The following DPP6 variants were observed in gnomAD, a reference collection of about 807,000 sequenced individuals.
DPP6 encodes dipeptidyl peptidase like 6.
In DPP6, 69 loss-of-function variants were observed where a neutral mutation model predicts 122.6. The ratio of observed to expected loss-of-function variants is 0.56; its 90% CI spans 0.46 to 0.69. DPP6 has a LOEUF of 0.69. DPP6 is among the 30% of genes least tolerant of loss of function. DPP6 has a pLI of 0.00. For synonymous variants in DPP6, 418 were observed against 433.1 expected (o/e 0.97, Z 0.43); for missense variants, 928 against 1,116.9 (o/e 0.83, Z 2.41).
chr7:153,986,478 A>G (rs182408517), intron 1 of DPP6, among the ~76,000 whole-genome samples: 3 of 152,288 alleles, frequency 2.0e-5, no homozygotes, highest in Admixed American at 1.3e-4. Flanking sequence ...AATGCCCTTA[A>G]GAAAAGACTA....
rs148485305 is a variant in DPP6, at chr7:154,744,501, G to A, written c.883+16614G>A. The stretch of plus-strand genomic sequence containing the variant: ...GATTTGTGGGAATTTGCAGATCTCT[G>A]ATGATAATGAGGGGATTCGCAGTGT... On this transcript the variant is annotated intron_variant, in intron 8 of 25. Transcript: ENST00000377770. Among the ~76,000 whole-genome samples the A allele has an allele frequency of 2.0e-5, 3 of 152,350 alleles. No individual in the cohort carries two copies. In the East Asian group the frequency reaches 5.8e-4, roughly 29 times the overall value.
At chr7:154,572,510 C>CTTTTTTTTTTT (rs77816407) in intron 5 of DPP6, among the ~76,000 whole-genome samples, 3 of 86,140 alleles carry the variant, frequency 3.5e-5, no homozygotes, top group Non-Finnish European at 2.2e-5. Context: ...TTTTTCTTTT[C>CTTTTTTTTTTT]TTTTTTTTTT....
intron 1 of DPP6, among the ~76,000 whole-genome samples, chr7:154,273,294 G>A (rs1220188354): frequency 6.6e-6 from 1 of 152,134 alleles, no homozygotes; most frequent in Non-Finnish European, 1.5e-5. Context: ...TCTGGCATGA[G>A]AGACAGAAAA....
chr7:154,412,681 TC>T (rs1009834500), intron 1 of DPP6, among the ~76,000 whole-genome samples: 80 of 151,626 alleles, frequency 5.3e-4, no homozygotes, highest in Middle Eastern at 3.4e-3. Context: ...TCTTTTTTTT[TC>T]AACTTTAGAA....
At chr7:154,639,820 C>T (rs1039179526) in intron 6 of DPP6, among the ~76,000 whole-genome samples, 1 of 152,168 alleles carries the variant, frequency 6.6e-6, no homozygotes, top group African/African-American at 2.4e-5. Context: ...CTTTCATATA[C>T]CTTTATCCCT....
intron 7 of DPP6, among the ~76,000 whole-genome samples, chr7:154,707,386 A>G (rs1473434852): frequency 1.3e-5 from 2 of 152,288 alleles, no homozygotes; most frequent in African/African-American, 4.8e-5. Context: ...TTTTTGCCAT[A>G]TCCTAGAGCT....
At chr7:154,652,496 G>A (rs1321090622) in intron 6 of DPP6, among the ~76,000 whole-genome samples, 5 of 151,286 alleles carry the variant, frequency 3.3e-5, no homozygotes, top group Admixed American at 6.6e-5. Context: ...GATAATAGAT[G>A]CAGCTCTCTG....
At chr7:154,015,865 G>A (rs1265710722) in intron 1 of DPP6, among the ~76,000 whole-genome samples, 11 of 152,010 alleles carry the variant, frequency 7.2e-5, no homozygotes, top group African/African-American at 2.2e-4. Context: ...GGATCCTGTT[G>A]AAACAAGTCA....
intron 1 of DPP6, among the ~76,000 whole-genome samples, chr7:154,006,620 G>A (rs1484057040): frequency 6.6e-6 from 1 of 152,152 alleles, no homozygotes; most frequent in East Asian, 1.9e-4. Flanking sequence ...ACGGACAGCT[G>A]GTGGGTCTCT....
intron 1 of DPP6, among the ~76,000 whole-genome samples, chr7:153,889,464 T>G (rs1361542044): frequency 6.6e-6 from 1 of 152,162 alleles, no homozygotes; most frequent in Non-Finnish European, 1.5e-5. Context: ...TGAGGTTAAT[T>G]ATACTGATAA....
intron 1 of DPP6, among the ~76,000 whole-genome samples, chr7:153,918,978 CAAAAAAAA>C (rs386411718): frequency 3.4e-5 from 3 of 89,346 alleles, no homozygotes; most frequent in African/African-American, 1.4e-4. Context: ...GACTCTGTCT[CAAAAAAAA>C]AAAAAAAAAA....
At position 154,880,927 on chromosome 7, in the gene DPP6, G is replaced by T. The variant is rs371753719; in HGVS notation, c.2118G>T (p.Val706=). 1.9e-6 allele frequency: 3 copies of T among 1,613,930 alleles called. No individual in the cohort carries two copies. Among genetic ancestry groups the T allele is most frequent in the African/African-American group, 2.7e-5 (2 of 75,016 alleles). ...LKEQYIDRTR[V]AVFGKDYGGY... Reference sequence around the variant, plus strand: ...AGCAGTACATTGACAGGACGCGCGTGGCCGTGTTTGGGAAGGTGAGTCTGC... The same window carrying T: ...AGCAGTACATTGACAGGACGCGCGTTGCCGTGTTTGGGAAGGTGAGTCTGC... Residue 706 remains valine (V), a synonymous_variant, in exon 21 of 26, where the codon GTG becomes GTT. Coordinates refer to ENST00000377770, the MANE Select transcript of DPP6 (RefSeq NM_130797.4).
chr7:154,098,149 C>A (rs71532617), intron 1 of DPP6, among the ~76,000 whole-genome samples: 12,533 of 151,986 alleles, frequency 0.082, 468 homozygotes, highest in Middle Eastern at 0.14. Context: ...GTAATTTAAT[C>A]GTGGAGATGG....
At chr7:153,767,749 C>T in the DPP6 span, among the ~76,000 whole-genome samples, 1 of 152,086 alleles carries the variant, frequency 6.6e-6, no homozygotes, top group South Asian at 2.1e-4. Context: ...TTATTCTGGA[C>T]AAGAATAGCT....
At chr7:154,417,516 A>G (rs1817128163) in intron 1 of DPP6, among the ~76,000 whole-genome samples, 1 of 151,970 alleles carries the variant, frequency 6.6e-6, no homozygotes, top group Non-Finnish European at 1.5e-5. Context: ...CTAGGCCCTG[A>G]CCTGATTTCA....
intron 18 of DPP6, among the ~76,000 whole-genome samples, chr7:154,869,304 G>A (rs1175920565): frequency 6.6e-6 from 1 of 152,194 alleles, no homozygotes. Context: ...AACAGACTCA[G>A]CTCCCAAGAG....
chr7:153,986,840 C>G (rs1796871069), intron 1 of DPP6, among the ~76,000 whole-genome samples: 1 of 151,560 alleles, frequency 6.6e-6, no homozygotes, highest in Non-Finnish European at 1.5e-5. Flanking sequence ...GATGTCTTCT[C>G]CATCTCTTTA....
At chr7:154,537,480 C>G (rs1258955826) in intron 3 of DPP6, among the ~76,000 whole-genome samples, 1 of 152,046 alleles carries the variant, frequency 6.6e-6, no homozygotes, top group Non-Finnish European at 1.5e-5. Flanking sequence ...TTGAAAATAA[C>G]TTGTAAGGTT....
At chr7:154,508,790 T>A (rs1825846442) in intron 3 of DPP6, among the ~76,000 whole-genome samples, 1 of 152,182 alleles carries the variant, frequency 6.6e-6, no homozygotes, top group African/African-American at 2.4e-5. Flanking sequence ...GAAGAGAAAA[T>A]AGCATAGATT....
Sources: gnomAD v4.1 joint callset for allele counts (sites outside exome capture counted in the v4.1 genomes callset) on GRCh38, gnomAD v4.1.1 for gene constraint, MANE v1.5 for transcripts, NCBI Gene and HGNC (gene_info 2026-07-23, HGNC 2026-07-21) for gene names.